The following TIMELESS variants were observed in gnomAD, a reference collection of about 807,000 sequenced individuals.
TIMELESS encodes timeless circadian regulator, also known as protein timeless homolog.
A neutral mutation model predicts 164.3 loss-of-function variants in TIMELESS; 124 were observed. That is an observed-to-expected ratio of 0.75 (90% CI 0.65 to 0.88). The LOEUF (loss-of-function observed/expected upper bound fraction) is 0.88. TIMELESS is among the 40% of genes least tolerant of loss of function. The pLI is 0.00. For synonymous variants in TIMELESS, 564 were observed against 563.4 expected (o/e 1.00, Z -0.02); for missense variants, 1,422 against 1,491.4 (o/e 0.95, Z 0.77).
intron 1 of TIMELESS, among the ~76,000 whole-genome samples, chr12:56,438,526 C>T (rs1882143888): frequency 6.7e-6 from 1 of 149,940 alleles, no homozygotes; most frequent in Admixed American, 6.7e-5. Context: ...AATCCCAGTA[C>T]TTTGGGAGGC....
At chr12:56,439,121 G>T (rs1246644268) in intron 1 of TIMELESS, among the ~76,000 whole-genome samples, 1 of 119,414 alleles carries the variant, frequency 8.4e-6, no homozygotes, top group African/African-American at 3.2e-5. Flanking sequence ...AGCCCAAATC[G>T]TGCCACTGCA....
At position 56,421,917 on chromosome 12, in the gene TIMELESS, C is replaced by T. The variant is rs756994263; in HGVS notation, c.2624G>A (p.Ser875Asn). ...HHLVQMGLADSVKDFQRKGTH... is the reference protein window; with the variant it reads ...HHLVQMGLADNVKDFQRKGTH... ...TCTCTACCTTTGGAAGTCCTTGACA[C>T]TGTCAGCCAGTCCCATCTGTACCAG... Residue 875 changes from serine (S) to asparagine (N), a missense_variant, in exon 21 of 29, where the codon AGT becomes AAT. Ser to Asn is a conservative substitution (Grantham distance 46). Coordinates refer to ENST00000553532, the MANE Select transcript of TIMELESS (RefSeq NM_003920.5). 8 of 1,614,180 alleles carry T rather than the reference C, an allele frequency of 5.0e-6. No individual in the cohort carries two copies. Among genetic ancestry groups the T allele is most frequent in the Non-Finnish European group, 6.8e-6 (8 of 1,180,030 alleles).
In TIMELESS at chr12:56,416,462, G is replaced by A. The variant is rs1881262017; in HGVS notation, c.*1254C>T. ...TGCCCTACCTCGGCTGGAAGCACAG[G>A]AAGCAAGAAAGCTGACGTTTCCAAG... On this transcript the variant is annotated 3_prime_UTR_variant, in exon 29 of 29. Transcript: ENST00000553532. 6.6e-6 allele frequency: 1 copy of A among 152,218 alleles called. No homozygotes were observed. The allele number at this position is 152,218 out of a possible 1,614,324, so 9.4% of individuals were successfully genotyped here.
chr12:56,420,681 G>A lies in TIMELESS; in HGVS notation c.3116C>T (p.Ser1039Phe). The A allele has an allele frequency of 1.2e-6, 2 of 1,614,194 alleles. No homozygotes were observed. Among genetic ancestry groups the A allele is most frequent in the Non-Finnish European group, 8.5e-7 (1 of 1,180,026 alleles). Reference protein sequence around the residue: ...AADDREEDGCSQAVPLVPLTE... With the variant: ...AADDREEDGCFQAVPLVPLTE... ...GAGTGGCACCAATGGAACGGCCTGGGAGCAGCCTAAGACAGGGTCAATAGT... is the reference window on the plus strand; with the variant it reads ...GAGTGGCACCAATGGAACGGCCTGGAAGCAGCCTAAGACAGGGTCAATAGT... Residue 1039 changes from serine to phenylalanine, a missense_variant, in exon 26 of 29, where the codon TCC (serine) becomes TTC (phenylalanine). Ser to Phe is a radical substitution (Grantham distance 155). Coordinates refer to ENST00000553532, the MANE Select transcript of TIMELESS (RefSeq NM_003920.5).
chr12:56,435,957 TTAAAAAA>T (rs893324113), intron 1 of TIMELESS, among the ~76,000 whole-genome samples: 1 of 86,462 alleles, frequency 1.2e-5, no homozygotes, highest in African/African-American at 3.6e-5. Flanking sequence ...AGACTCCGTC[TTAAAAAA>T]AAAAAAAAAA....
chr12:56,433,959 C>T, intron 2 of TIMELESS, 33 bp from the exon 3 acceptor site: 1 of 1,612,800 alleles, frequency 6.2e-7, no homozygotes. Context: ...GCATGTGGAA[C>T]CTTGGAAGAA....
At position 56,428,542 on chromosome 12, in the gene TIMELESS, G is replaced by GC. The variant is rs1440247784; in HGVS notation, c.1408+6dup. ...GGCTGGGATCGGGGACCAGGCCAGG[G>GC]CCTCACTCTTGATGATGCGGCTGCT... On this transcript the variant is annotated splice_region_variant and intron_variant, in intron 12 of 28. Transcript: ENST00000553532. 1 of 1,613,358 alleles carries GC rather than the reference G, an allele frequency of 6.2e-7. No individual in the cohort carries two copies.
Position 56,422,015 on chromosome 12 carries a change from C to T in TIMELESS, c.2526G>A (p.Gly842=). The change falls in exon 21 of 29, where the codon GGG becomes GGA. Residue 842 remains glycine, a splice_region_variant and synonymous_variant. Coordinates refer to ENST00000553532, the MANE Select transcript of TIMELESS (RefSeq NM_003920.5). ...CCAAGATGGCTTCCACCACATCCTG[C>T]CCTGGCGTGGGGAAGGACTAAGGCA... is the stretch of plus-strand genomic sequence containing the variant. ...ELYLANKDVE[G]QDVVEAILAH... is the part of the protein sequence containing the mutation. The T allele has an allele frequency of 1.9e-6, 3 of 1,614,122 alleles. No individual in the cohort carries two copies. The highest frequency in any genetic ancestry group is 2.5e-6 in the Non-Finnish European group (3 of 1,180,006).
intron 17 of TIMELESS, 35 bp downstream of exon 17, chr12:56,423,549 C>T: frequency 6.2e-7 from 1 of 1,612,766 alleles, no homozygotes; most frequent in South Asian, 1.1e-5. Context: ...GCACAATCGC[C>T]ACTCTAGGAC....
At chr12:56,426,998 C>T (rs989184871) in intron 13 of TIMELESS, among the ~76,000 whole-genome samples, 2 of 152,104 alleles carry the variant, frequency 1.3e-5, no homozygotes, top group Admixed American at 1.3e-4. Context: ...TTGGTCTCAC[C>T]CAGACTGGAG....
At chr12:56,428,774 T>C (rs762916161) in intron 11 of TIMELESS, 109 bp downstream of exon 11, 90 of 1,479,110 alleles carry the variant, frequency 6.1e-5, no homozygotes, top group Non-Finnish European at 8.0e-5. Context: ...CAGCCAGTCC[T>C]TGCTCCCCAG....
intron 1 of TIMELESS, among the ~76,000 whole-genome samples, chr12:56,443,640 A>C (rs1868309229): frequency 6.6e-6 from 1 of 152,060 alleles, no homozygotes; most frequent in Non-Finnish European, 1.5e-5. Flanking sequence ...CCCCTTCTAA[A>C]ATCCCTAATA....
At chr12:56,423,136 C>T in intron 18 of TIMELESS, 138 bp downstream of exon 18, 2 of 1,391,984 alleles carry the variant, frequency 1.4e-6, no homozygotes, top group Non-Finnish European at 2.0e-6. Context: ...GCTCCCTCAA[C>T]CTGCCTGTCT....
At chr12:56,443,746 A>G (rs1057477902) in intron 1 of TIMELESS, among the ~76,000 whole-genome samples, 6 of 152,090 alleles carry the variant, frequency 3.9e-5, no homozygotes, top group African/African-American at 1.4e-4. Context: ...TTCTCTTTGT[A>G]GTCTTTCTCT....
chr12:56,424,282 G>A (rs761042283), intron 15 of TIMELESS, among the ~76,000 whole-genome samples: 2 of 152,048 alleles, frequency 1.3e-5, no homozygotes, highest in Admixed American at 6.6e-5. Flanking sequence ...AGGTATATAC[G>A]ATATTTTTAC....
Position 56,428,288 on chromosome 12 carries a change from A to C in TIMELESS, c.1526T>G (p.Phe509Cys). 1.2e-6 allele frequency: 2 copies of C among 1,612,616 alleles called. No individual in the cohort carries two copies. The highest frequency in any genetic ancestry group is 1.7e-6 in the Non-Finnish European group (2 of 1,178,898). ...ACAGAATCGCTCCAACATTTTGAGG[A>C]AGAGGTGGGTGGTCTCCACCAGGTC... is the stretch of plus-strand genomic sequence containing the variant. Reference protein sequence around the residue: ...LRDLVETTHLFLKMLERFCRS... With the variant: ...LRDLVETTHLCLKMLERFCRS... The change falls in exon 13 of 29, where the codon TTC becomes TGC. Residue 509 changes from phenylalanine (F) to cysteine (C), a missense_variant. Phe to Cys is a radical substitution (Grantham distance 205, BLOSUM62 -2). Coordinates refer to ENST00000553532, the MANE Select transcript of TIMELESS (RefSeq NM_003920.5).
At chr12:56,437,801 A>C (rs1592254958) in intron 1 of TIMELESS, among the ~76,000 whole-genome samples, 1 of 152,274 alleles carries the variant, frequency 6.6e-6, no homozygotes, top group East Asian at 1.9e-4. Context: ...TATGATAATC[A>C]ACTCATCAAC....
At chr12:56,437,024 A>T (rs1295383952) in intron 1 of TIMELESS, among the ~76,000 whole-genome samples, 1 of 151,236 alleles carries the variant, frequency 6.6e-6, no homozygotes, top group Non-Finnish European at 1.5e-5. Context: ...TGTGCCTCCC[A>T]GGTTTAAGTG....
chr12:56,429,027 G>C lies in TIMELESS; in HGVS notation c.1160C>G (p.Ala387Gly). Reference sequence around the variant, plus strand: ...CCGGAAGGAGGCAGCTCGGTTGAAGGCCATGAAGAAAGCCAAGGCCCACAT... The same window carrying C: ...CCGGAAGGAGGCAGCTCGGTTGAAGCCCATGAAGAAAGCCAAGGCCCACAT... The part of the protein sequence containing the change: ...YYMWALAFFM[A>G]FNRAASFRPG... The change falls in exon 11 of 29, where the codon GCC (alanine) becomes GGC (glycine). Residue 387 changes from alanine to glycine, a missense_variant. Physicochemically the swap from Ala to Gly is moderately conservative, Grantham distance 60. Coordinates refer to ENST00000553532, the MANE Select transcript of TIMELESS (RefSeq NM_003920.5). The C allele has an allele frequency of 6.2e-7, 1 of 1,614,126 alleles. No homozygotes were observed. Among genetic ancestry groups the C allele is most frequent in the South Asian group, 1.1e-5 (1 of 91,080 alleles).
Sources: allele counts gnomAD v4.1 joint callset (sites outside exome capture counted in the v4.1 genomes callset), GRCh38; gene constraint gnomAD v4.1.1; transcripts MANE v1.5; gene names NCBI Gene and HGNC (gene_info 2026-07-23, HGNC 2026-07-21).